Variants in ANKRD12 observed in about 807,000 individuals in gnomAD.
The protein encoded by ANKRD12 is ankyrin repeat domain-containing protein 12.
A neutral mutation model predicts 183.4 loss-of-function variants in ANKRD12; 85 were observed. The observed-to-expected ratio is 0.46, with a 90% CI of 0.39 to 0.56. ANKRD12 has a LOEUF of 0.56. Among genes scored for constraint, ANKRD12 ranks in the 20% least tolerant of loss-of-function variants. ANKRD12 has a pLI of 0.00. For synonymous variants in ANKRD12, 914 were observed against 800.2 expected (o/e 1.14, Z -2.40); for missense variants, 2,405 against 2,357.1 (o/e 1.02, Z -0.42).
intron 1 of ANKRD12, among the ~76,000 whole-genome samples, chr18:9,141,292 G>A (rs765925690): frequency 2.0e-5 from 3 of 152,060 alleles, no homozygotes; most frequent in African/African-American, 7.2e-5. Context: ...GGCCATGGTT[G>A]TTCATATAAT....
At chr18:9,151,439 G>A (rs1172453371) in intron 1 of ANKRD12, among the ~76,000 whole-genome samples, 1 of 152,116 alleles carries the variant, frequency 6.6e-6, no homozygotes, top group Non-Finnish European at 1.5e-5. Flanking sequence ...TGGAACGAGA[G>A]GATCTTAAAT....
At chr18:9,199,028 C>T (rs1157525164) in intron 3 of ANKRD12, among the ~76,000 whole-genome samples, 1 of 152,052 alleles carries the variant, frequency 6.6e-6, no homozygotes, top group Non-Finnish European at 1.5e-5. Flanking sequence ...CATGGTGGCT[C>T]ACACCTGAAA....
At chr18:9,216,441 C>T (rs1225523567) in intron 6 of ANKRD12, among the ~76,000 whole-genome samples, 1 of 152,166 alleles carries the variant, frequency 6.6e-6, no homozygotes, top group Non-Finnish European at 1.5e-5. Context: ...GTTCATGTTA[C>T]TGGTAAGGCT....
At chr18:9,149,308 A>G (rs1568220486) in intron 1 of ANKRD12, among the ~76,000 whole-genome samples, 1 of 152,250 alleles carries the variant, frequency 6.6e-6, no homozygotes, top group Non-Finnish European at 1.5e-5. Context: ...AAACTAGGAT[A>G]TGATAGCTAA....
intron 1 of ANKRD12, among the ~76,000 whole-genome samples, chr18:9,144,885 A>G (rs1159353789): frequency 6.6e-6 from 1 of 152,004 alleles, no homozygotes; most frequent in Non-Finnish European, 1.5e-5. Context: ...ATTTGTATGT[A>G]TGTAATACAT....
chr18:9,192,854 A>T (rs2034540263), intron 2 of ANKRD12, among the ~76,000 whole-genome samples: 2 of 151,430 alleles, frequency 1.3e-5, no homozygotes. Context: ...GCTAGTTTTT[A>T]AAAATTTTTT....
chr18:9,199,610 A>G (rs1184639405), intron 3 of ANKRD12, among the ~76,000 whole-genome samples: 1 of 152,226 alleles, frequency 6.6e-6, no homozygotes, highest in African/African-American at 2.4e-5. Flanking sequence ...AAACAAGTAT[A>G]TAGTTTCTTA....
At chr18:9,191,807 T>C (rs1037941395) in intron 2 of ANKRD12, among the ~76,000 whole-genome samples, 3 of 152,104 alleles carry the variant, frequency 2.0e-5, no homozygotes, top group East Asian at 1.9e-4. Flanking sequence ...CCCCCAACTT[T>C]GTTGGGCTCT....
chr18:9,139,159 A>G (rs533732254), intron 1 of ANKRD12, among the ~76,000 whole-genome samples: 73 of 152,334 alleles, frequency 4.8e-4, no homozygotes, highest in Non-Finnish European at 9.6e-4. Flanking sequence ...AGTGAAGAGA[A>G]CAAAAATATT....
At chr18:9,244,241 A>G (rs533839856) in intron 8 of ANKRD12, among the ~76,000 whole-genome samples, 2 of 152,358 alleles carry the variant, frequency 1.3e-5, no homozygotes, top group Non-Finnish European at 2.9e-5. Context: ...ACCATCAATC[A>G]GGTAAAAAGG....
At chr18:9,238,489 G>A (rs1420214047) in intron 8 of ANKRD12, among the ~76,000 whole-genome samples, 1 of 152,192 alleles carries the variant, frequency 6.6e-6, no homozygotes, top group East Asian at 1.9e-4. Flanking sequence ...TCCTCTTCGT[G>A]TTCTATCTTA....
intron 3 of ANKRD12, among the ~76,000 whole-genome samples, chr18:9,203,679 A>G (rs1275044618): frequency 6.6e-6 from 1 of 152,108 alleles, no homozygotes; most frequent in Non-Finnish European, 1.5e-5. Context: ...ATCTCAGCTT[A>G]CCGCAACCCC....
At chr18:9,186,136 G>GTTTTTTTTTTTTTTTGTT in intron 2 of ANKRD12, among the ~76,000 whole-genome samples, 1 of 141,894 alleles carries the variant, frequency 7.0e-6, no homozygotes, top group Non-Finnish European at 1.5e-5. Flanking sequence ...CTAAAAGTGT[G>GTTTTTTTTTTTTTTTGTT]ATTTTTTTTT....
chr18:9,177,223 A>C (rs2033343467), intron 1 of ANKRD12, among the ~76,000 whole-genome samples: 1 of 152,104 alleles, frequency 6.6e-6, no homozygotes, highest in African/African-American at 2.4e-5. Context: ...TTACACGGAG[A>C]ATGGAGGAAT....
intron 7 of ANKRD12, among the ~76,000 whole-genome samples, chr18:9,220,899 A>G (rs748353044): frequency 2.6e-5 from 4 of 152,220 alleles, no homozygotes; most frequent in Non-Finnish European, 5.9e-5. Flanking sequence ...TAAAAGGGCC[A>G]TTCCATAAGA....
intron 1 of ANKRD12, among the ~76,000 whole-genome samples, chr18:9,161,601 C>A (rs1037911046): frequency 6.6e-6 from 1 of 151,874 alleles, no homozygotes; most frequent in African/African-American, 2.4e-5. Context: ...TGGTCTCGAT[C>A]TGCTGACCTT....
chr18:9,142,393 G>A (rs2078349338), intron 1 of ANKRD12, among the ~76,000 whole-genome samples: 1 of 152,110 alleles, frequency 6.6e-6, no homozygotes, highest in South Asian at 2.1e-4. Context: ...AAAAGTATCT[G>A]GAGTAATGTT....
rs1407019169 is a variant in ANKRD12 at position 9,284,595 on chromosome 18, G to C, written c.*3469G>C. 1.3e-5 allele frequency: 2 copies of C among 152,082 alleles called. No individual in the cohort carries two copies. The highest frequency in any genetic ancestry group is 4.8e-5 in the African/African-American group (2 of 41,424). 9.4% of individuals were successfully genotyped at this position (152,082 alleles called of 1,614,324 possible). On this transcript the variant is annotated 3_prime_UTR_variant, in exon 13 of 13. Transcript: ENST00000262126. ...TGGAAAAGCTTGTGTGAGTTTAGTG[G>C]TTAAAATATCTTGTAATTCATCATT...
chr18:9,259,561 A>G (rs887841284), intron 9 of ANKRD12: 3 of 152,186 alleles, frequency 2.0e-5, no homozygotes, highest in African/African-American at 7.2e-5. Flanking sequence ...CCTTGAAACA[A>G]TTCTCGGGAT....
Sources: allele counts gnomAD v4.1 joint callset (sites outside exome capture counted in the v4.1 genomes callset), GRCh38; gene constraint gnomAD v4.1.1; transcripts MANE v1.5; gene names NCBI Gene and HGNC (gene_info 2026-07-23, HGNC 2026-07-21).